Variants in DGKG observed in about 807,000 individuals in gnomAD.
DGKG encodes diacylglycerol kinase gamma, also known as DAG kinase gamma.
Under a neutral mutation model 105.3 loss-of-function variants are expected in DGKG, and 78 were observed. The observed-to-expected ratio is 0.74, with a 90% CI of 0.62 to 0.89. The LOEUF (loss-of-function observed/expected upper bound fraction) is 0.89, where lower values mean the gene tolerates loss of function less well. Among genes scored for constraint, DGKG ranks in the 40% least tolerant of loss-of-function variants. DGKG has a pLI of 0.00. For missense variants in DGKG, 958 were observed against 1,020.1 expected (o/e 0.94, Z 0.83); for synonymous variants, 346 against 367.1 (o/e 0.94, Z 0.66).
chr3:186,149,126 C>A lies in DGKG; in HGVS notation c.*964G>T, dbSNP rs1715637904. On this transcript the variant is annotated 3_prime_UTR_variant, in exon 25 of 25. Coordinates refer to ENST00000265022, the MANE Select transcript of DGKG (RefSeq NM_001346.3). Reference sequence around the variant, plus strand: ...GGGAACCGTCTCCTGGTTTCCCCAGCAAAGTTCCTTCCTTCCCATCTTTTC... The same window carrying A: ...GGGAACCGTCTCCTGGTTTCCCCAGAAAAGTTCCTTCCTTCCCATCTTTTC... 1 of 985,104 alleles carries A rather than the reference C, an allele frequency of 1.0e-6. No homozygotes were observed. The allele number at this position is 985,104 out of a possible 1,614,324, so 61.0% of individuals were successfully genotyped here.
chr3:186,162,016 T>C (rs1184488160), intron 23 of DGKG, among the ~76,000 whole-genome samples: 1 of 152,188 alleles, frequency 6.6e-6, no homozygotes, highest in Non-Finnish European at 1.5e-5. Flanking sequence ...TTCCTCAGCC[T>C]CCCGAGTAGA....
At chr3:186,228,545 GCAGAC>G (rs1003499156) in intron 20 of DGKG, among the ~76,000 whole-genome samples, 38 of 152,266 alleles carry the variant, frequency 2.5e-4, no homozygotes, top group African/African-American at 8.2e-4. Context: ...AAACTCTGGT[GCAGAC>G]CAGCGAGATC....
chr3:186,178,555 A>C (rs950062144), intron 22 of DGKG, among the ~76,000 whole-genome samples: 5 of 152,224 alleles, frequency 3.3e-5, no homozygotes, highest in African/African-American at 1.2e-4. Context: ...GTTGGAGTTC[A>C]ACTCCAGCTC....
At position 186,298,047 on chromosome 3, in the gene DGKG, G is replaced by C. The variant is rs1466574028; in HGVS notation, c.310+17C>G. On this transcript the variant is annotated intron_variant, in intron 4 of 24. Transcript: ENST00000265022. ...AGCTGCGCAAGGTCTTCCCATCTTG[G>C]GGAAAGCTCTGTGTACCTGCGCTGT... The C allele has an allele frequency of 6.3e-7, 1 of 1,593,966 alleles. No individual in the cohort carries two copies. Among genetic ancestry groups the C allele is most frequent in the Admixed American group, 1.7e-5 (1 of 57,294 alleles).
chr3:186,293,993 C>T (rs1028843101), intron 5 of DGKG, among the ~76,000 whole-genome samples: 1 of 152,158 alleles, frequency 6.6e-6, no homozygotes, highest in Non-Finnish European at 1.5e-5. Context: ...CCTCCTTGGG[C>T]CAAGAGTCAG....
At chr3:186,272,200 G>A (rs1722347525) in intron 11 of DGKG, 55 bp downstream of exon 11, 3 of 1,362,392 alleles carry the variant, frequency 2.2e-6, no homozygotes, top group South Asian at 1.2e-5. Flanking sequence ...CCATGTTGAT[G>A]GACATGTTTC....
At chr3:186,198,541 T>A in intron 21 of DGKG, among the ~76,000 whole-genome samples, 1 of 152,178 alleles carries the variant, frequency 6.6e-6, no homozygotes, top group East Asian at 1.9e-4. Flanking sequence ...CTAGAGGCAG[T>A]GGTGTGCTGT....
At chr3:186,158,615 C>A in intron 24 of DGKG, 13 of 921,228 alleles carry the variant, frequency 1.4e-5, no homozygotes, top group African/African-American at 1.8e-5. Context: ...AATGCCTGAA[C>A]AAATATGATA....
chr3:186,307,426 C>A lies in DGKG; in HGVS notation c.68-449G>T, dbSNP rs192623893. ...CTCTCTCATGATGTTTCTTCTCTGT[C>A]TTGCAAATTTCACTCATTCTTCAAG... On this transcript the variant is annotated intron_variant, in intron 2 of 24. Coordinates refer to ENST00000265022, the MANE Select transcript of DGKG (RefSeq NM_001346.3). 2.0e-5 allele frequency among the ~76,000 whole-genome samples: 3 copies of A among 152,246 alleles called. No individual in the cohort carries two copies. In the East Asian group the frequency reaches 5.8e-4, roughly 29 times the overall value.
chr3:186,266,755 G>A (rs374011427), intron 13 of DGKG, among the ~76,000 whole-genome samples: 2 of 152,106 alleles, frequency 1.3e-5, no homozygotes, highest in African/African-American at 2.4e-5. Context: ...CCACTACCAC[G>A]CCTGGCTAAT....
chr3:186,188,153 C>T, intron 22 of DGKG, 49 bp downstream of exon 22: 1 of 1,601,938 alleles, frequency 6.2e-7, no homozygotes, highest in Non-Finnish European at 8.5e-7. Context: ...CCTGAGGGCA[C>T]CTACTACTGG....
chr3:186,316,089 A>G (rs1724804637), intron 2 of DGKG, among the ~76,000 whole-genome samples: 1 of 152,258 alleles, frequency 6.6e-6, no homozygotes, highest in African/African-American at 2.4e-5. Context: ...AGGTCCCACC[A>G]TGTGAGTGAA....
At chr3:186,315,619 T>C (rs1430189472) in intron 2 of DGKG, among the ~76,000 whole-genome samples, 1 of 151,828 alleles carries the variant, frequency 6.6e-6, no homozygotes, top group East Asian at 1.9e-4. Context: ...CAGCCTAAGA[T>C]TGCAATGACT....
intron 20 of DGKG, among the ~76,000 whole-genome samples, chr3:186,212,184 G>C (rs1231713015): frequency 2.0e-5 from 3 of 152,228 alleles, no homozygotes; most frequent in African/African-American, 7.2e-5. Context: ...ATTAAGGAAA[G>C]AGCTCTACGA....
At position 186,346,239 on chromosome 3, in the gene DGKG, G is replaced by C. The variant is rs142290743; in HGVS notation, c.-249+15707C>G. 6.3e-3 allele frequency among the ~76,000 whole-genome samples: 958 copies of C among 152,216 alleles called. 11 individuals carry two copies. Among genetic ancestry groups the C allele is most frequent in the African/African-American group, 0.022 (900 of 41,542 alleles). Reference sequence around the variant, plus strand: ...GCTAGTGAATTTTAATTCTGCTGTTGTGCTTCAATTTCCTTGCAGTCCGTC... The same window carrying C: ...GCTAGTGAATTTTAATTCTGCTGTTCTGCTTCAATTTCCTTGCAGTCCGTC... On this transcript the variant is annotated intron_variant, in intron 1 of 24. Transcript: ENST00000265022.
intron 20 of DGKG, among the ~76,000 whole-genome samples, chr3:186,236,318 C>T (rs1720418444): frequency 6.6e-6 from 1 of 152,204 alleles, no homozygotes; most frequent in African/African-American, 2.4e-5. Flanking sequence ...TTAAAAACAA[C>T]CCTTTTATTG....
intron 22 of DGKG, among the ~76,000 whole-genome samples, chr3:186,166,620 G>C (rs573698221): frequency 9.1e-6 from 1 of 110,354 alleles, no homozygotes; most frequent in Admixed American, 1.1e-4. Context: ...AACAACATGG[G>C]CTATAAATGT....
chr3:186,278,152 T>C (rs754960358), intron 9 of DGKG, among the ~76,000 whole-genome samples: 2 of 152,116 alleles, frequency 1.3e-5, no homozygotes, highest in Non-Finnish European at 2.9e-5. Flanking sequence ...GCGGGTCTTT[T>C]CCATGCAAAG....
intron 5 of DGKG, among the ~76,000 whole-genome samples, chr3:186,296,543 G>GT (rs1225892737): frequency 2.0e-5 from 3 of 152,258 alleles, no homozygotes; most frequent in Non-Finnish European, 4.4e-5. Context: ...ATTGATAAAT[G>GT]TGTCAGGGAA....
Sources: allele counts gnomAD v4.1 joint callset (sites outside exome capture counted in the v4.1 genomes callset), GRCh38; gene constraint gnomAD v4.1.1; transcripts MANE v1.5; gene names NCBI Gene and HGNC (gene_info 2026-07-23, HGNC 2026-07-21).